ABCA6: variants seen among roughly 807,000 people sequenced by gnomAD.
ABCA6 encodes the protein ATP binding cassette subfamily A member 6.
In ABCA6, 164 loss-of-function variants were observed where a neutral mutation model predicts 191.2. That is an observed-to-expected ratio of 0.86 (90% confidence interval 0.76 to 0.98). The LOEUF (loss-of-function observed/expected upper bound fraction) is 0.98, where lower values mean the gene tolerates loss of function less well. Ranked by LOEUF, ABCA6 falls within the 50% of genes least tolerant of loss-of-function variation. The pLI is 0.00. For synonymous variants in ABCA6, 636 were observed against 647.7 expected (o/e 0.98, Z 0.27); for missense variants, 1,958 against 1,894.1 (o/e 1.03, Z -0.63).
At chr17:69,095,136 C>A in intron 25 of ABCA6, 1 of 210,776 alleles carries the variant, frequency 4.7e-6, no homozygotes, top group African/African-American at 2.3e-5. Context: ...GTCAGTAAGA[C>A]TCTCTTCTAC....
intron 27 of ABCA6, among the ~76,000 whole-genome samples, 192 bp from the exon 28 acceptor site, chr17:69,088,450 A>G (rs1165474172): frequency 6.6e-6 from 1 of 152,074 alleles, no homozygotes; most frequent in Middle Eastern, 3.2e-3. Flanking sequence ...CGCCACCCAT[A>G]TTCAGTTTGT....
intron 9 of ABCA6, 22 bp downstream of exon 9, chr17:69,124,866 A>G: frequency 6.8e-7 from 1 of 1,471,928 alleles, no homozygotes; most frequent in South Asian, 1.3e-5. Context: ...TAGAGGACAG[A>G]GAAAAACTCA....
At chr17:69,141,082 T>C (rs1282227576) in intron 1 of ABCA6, among the ~76,000 whole-genome samples, 2 of 152,096 alleles carry the variant, frequency 1.3e-5, no homozygotes, top group East Asian at 3.8e-4. Flanking sequence ...ATCCTGTTAA[T>C]AGCCATTTCT....
chr17:69,096,505 C>A lies in ABCA6; in HGVS notation c.3294+123G>T, dbSNP rs535995061. On this transcript the variant is annotated intron_variant, in intron 24 of 38. Coordinates refer to ENST00000284425, the MANE Select transcript of ABCA6 (RefSeq NM_080284.3). ...TAGTATTTATCATACATGCACTTTG[C>A]ATGTTTTTTGTTTTGGTTTATTACA... 9.2e-6 allele frequency: 8 copies of A among 867,072 alleles called. No individual in the cohort carries two copies. The East Asian group carries it at 2.5e-4, about 27-fold the overall frequency. The allele number at this position is 867,072 out of a possible 1,614,324, so 53.7% of individuals were successfully genotyped here.
chr17:69,123,226 T>C lies in ABCA6; in HGVS notation c.1436+13A>G, dbSNP rs1285126548. On this transcript the variant is annotated intron_variant, in intron 10 of 38. Transcript: ENST00000284425. ...TGTGCTCATGCATTAGTATTACTTA[T>C]AAGTGTGATTACCTGATGGCTTCTT... is the stretch of plus-strand genomic sequence containing the variant. 2.1e-6 allele frequency: 3 copies of C among 1,432,280 alleles called. No individual in the cohort carries two copies. Among genetic ancestry groups the C allele is most frequent in the East Asian group, 2.5e-5 (1 of 40,008 alleles). 88.7% of individuals were successfully genotyped at this position (1,432,280 alleles called of 1,614,324 possible). A position where few individuals can be genotyped will look rare whatever the true frequency, so the allele number is the denominator to read the frequency against.
chr17:69,128,223 T>G (rs868378226), intron 8 of ABCA6, among the ~76,000 whole-genome samples: 1 of 152,136 alleles, frequency 6.6e-6, no homozygotes, highest in African/African-American at 2.4e-5. Flanking sequence ...TAATTATCTG[T>G]TAAACTATAC....
In ABCA6 at chr17:69,079,199, A is replaced by C. The variant is rs1307277393; in HGVS notation, c.4752+11T>G. 1.6e-5 allele frequency: 25 copies of C among 1,607,662 alleles called. No individual in the cohort carries two copies. Among genetic ancestry groups the C allele is most frequent in the Non-Finnish European group, 2.1e-5 (25 of 1,176,652 alleles). On this transcript the variant is annotated intron_variant, in intron 38 of 38. Coordinates refer to ENST00000284425, the MANE Select transcript of ABCA6 (RefSeq NM_080284.3). Reference sequence around the variant, plus strand: ...TTACCAGATGATACAAAGTCAAACCACTTGACTTACCTTCTCCAGTGTGCA... The same window carrying C: ...TTACCAGATGATACAAAGTCAAACCCCTTGACTTACCTTCTCCAGTGTGCA...
chr17:69,119,679 C>A (rs1212704013), intron 10 of ABCA6, among the ~76,000 whole-genome samples: 1 of 152,032 alleles, frequency 6.6e-6, no homozygotes, highest in African/African-American at 2.4e-5. Flanking sequence ...CCATTTATAT[C>A]CTGCACAAAG....
In ABCA6 at chr17:69,096,796, A is replaced by G. The variant is rs1389238939; in HGVS notation, c.3126T>C (p.Asn1042=). 1 of 1,522,296 alleles carries G rather than the reference A, an allele frequency of 6.6e-7. No individual in the cohort carries two copies. Among genetic ancestry groups the G allele is most frequent in the Non-Finnish European group, 8.7e-7 (1 of 1,146,454 alleles). 94.3% of individuals were successfully genotyped at this position (1,522,296 alleles called of 1,614,324 possible). The change falls in exon 24 of 39, where the codon AAT becomes AAC. Residue 1042 remains asparagine, a synonymous_variant. Coordinates refer to ENST00000284425, the MANE Select transcript of ABCA6 (RefSeq NM_080284.3). ...TMGSISDYKK[N]AKSQLWISGL... ...CTGAAATCCATAGCTGGGACTTAGC[A>G]TTTTTCTGATTAAAAAAAAAAAGAA...
chr17:69,103,564 C>T (rs2073227166), intron 20 of ABCA6, among the ~76,000 whole-genome samples: 1 of 152,126 alleles, frequency 6.6e-6, no homozygotes, highest in African/African-American at 2.4e-5. Context: ...GAACGTCTGA[C>T]CGTGAAATAC....
chr17:69,127,775 G>A (rs1467751736), intron 8 of ABCA6, among the ~76,000 whole-genome samples: 4 of 152,014 alleles, frequency 2.6e-5, no homozygotes, highest in Admixed American at 6.6e-5. Context: ...TTATATTAAC[G>A]TAATGAACAG....
In ABCA6 at chr17:69,087,593, T is replaced by C; in HGVS notation, c.3699-120A>G. 4.5e-6 allele frequency: 6 copies of C among 1,322,966 alleles called. No individual in the cohort carries two copies. The South Asian group carries it at 8.4e-5, about 18-fold the overall frequency. The allele number at this position is 1,322,966 out of a possible 1,614,324, so 82.0% of individuals were successfully genotyped here. On this transcript the variant is annotated intron_variant, in intron 28 of 38. Coordinates refer to ENST00000284425, the MANE Select transcript of ABCA6 (RefSeq NM_080284.3). ...CTCTAATGTGCAGGTGATGATGTGA[T>C]GATGACTGTCAATATTGCTTCTGCT...
intron 6 of ABCA6, among the ~76,000 whole-genome samples, chr17:69,130,994 G>T (rs1221853095): frequency 2.6e-5 from 4 of 152,160 alleles, no homozygotes; most frequent in Admixed American, 6.5e-5. Context: ...TTATGAAGTG[G>T]TTATTAAGAA....
chr17:69,091,414 G>A, intron 25 of ABCA6, 152 bp from the exon 26 acceptor site: 3 of 781,584 alleles, frequency 3.8e-6, no homozygotes, highest in Non-Finnish European at 3.9e-6. Context: ...TCCTTTTAGA[G>A]ACAATAGGGA....
At chr17:69,097,862 A>C in intron 23 of ABCA6, 58 bp downstream of exon 23, 1 of 1,216,340 alleles carries the variant, frequency 8.2e-7, no homozygotes, top group South Asian at 1.6e-5. Flanking sequence ...AACACATAGC[A>C]TTCAAAATAC....
chr17:69,104,129 G>A (rs945166423), intron 20 of ABCA6: 4 of 151,982 alleles, frequency 2.6e-5, no homozygotes, highest in Non-Finnish European at 4.4e-5. Context: ...ATTCACCTAG[G>A]CAGACAGGGA....
intron 15 of ABCA6, 56 bp downstream of exon 15, chr17:69,113,166 C>G: frequency 6.4e-7 from 1 of 1,557,730 alleles, no homozygotes; most frequent in Non-Finnish European, 8.6e-7. Context: ...GAATAGACCT[C>G]GCTTCTAAAT....
intron 6 of ABCA6, among the ~76,000 whole-genome samples, chr17:69,133,307 G>C (rs185865742): frequency 6.6e-6 from 1 of 152,328 alleles, no homozygotes; most frequent in Admixed American, 6.5e-5. Context: ...CAGGGCACCT[G>C]GGTTAGAGTC....
At position 69,102,930 on chromosome 17, in the gene ABCA6, G is replaced by T; in HGVS notation, c.2779C>A (p.Gln927Lys). 6.4e-7 allele frequency: 1 copy of T among 1,565,082 alleles called. No individual in the cohort carries two copies. The highest frequency in any genetic ancestry group is 8.7e-7 in the Non-Finnish European group (1 of 1,144,636). Residue 927 changes from glutamine (Q) to lysine (K), a missense_variant, in exon 21 of 39, where the codon CAA becomes AAA. By Grantham distance (53) the Gln-to-Lys change is moderately conservative (BLOSUM62 1). Transcript: ENST00000284425. ...TCATCTACTTCCAAAAGTATATTTT[G>T]ATGCTTCAGTGATTTTATAAAATCT... ...IEDFIKSLKH[Q>K]NILLEVDDFE...
Sources: gnomAD v4.1 joint callset for allele counts (sites outside exome capture counted in the v4.1 genomes callset) on GRCh38, gnomAD v4.1.1 for gene constraint, MANE v1.5 for transcripts, NCBI Gene and HGNC (gene_info 2026-07-23, HGNC 2026-07-21) for gene names.